The following LAMA2 variants were observed in gnomAD, a reference collection of about 807,000 sequenced individuals.
LAMA2 encodes laminin subunit alpha 2, also known as laminin subunit alpha-2.
LAMA2 carries 269 observed loss-of-function variants against 364.8 expected under a neutral mutation model. The ratio of observed to expected loss-of-function variants is 0.74; its 90% CI spans 0.67 to 0.82. The LOEUF (loss-of-function observed/expected upper bound fraction) is 0.82. LAMA2 is among the 40% of genes least tolerant of loss of function. LAMA2 has a pLI of 0.00. For synonymous variants in LAMA2, 1,379 were observed against 1,370.6 expected (o/e 1.01, Z -0.14); for missense variants, 3,807 against 3,873.2 (o/e 0.98, Z 0.45).
intron 12 of LAMA2, among the ~76,000 whole-genome samples, chr6:129,220,301 G>A (rs552259264): frequency 2.0e-5 from 3 of 152,154 alleles, no homozygotes; most frequent in Non-Finnish European, 2.9e-5. Flanking sequence ...GATAAGCAAT[G>A]AGCAAAAAAA....
intron 9 of LAMA2, 21 bp from the exon 10 acceptor site, chr6:129,177,685 A>G: frequency 6.2e-7 from 1 of 1,612,742 alleles, no homozygotes; most frequent in African/African-American, 1.3e-5. Flanking sequence ...AAATGTTGAT[A>G]TGTGGCTCAT....
At chr6:129,462,011 T>A (rs1353214521) in intron 49 of LAMA2, among the ~76,000 whole-genome samples, 1 of 151,802 alleles carries the variant, frequency 6.6e-6, no homozygotes, top group Non-Finnish European at 1.5e-5. Context: ...ACAGAGGAGG[T>A]GACATTTGAA....
At chr6:129,238,674 T>G (rs1172886663) in intron 12 of LAMA2, among the ~76,000 whole-genome samples, 2 of 152,088 alleles carry the variant, frequency 1.3e-5, no homozygotes, top group African/African-American at 4.8e-5. Context: ...GGATGCACTA[T>G]AGTATCACCA....
intron 29 of LAMA2, 31 bp downstream of exon 29, chr6:129,328,443 C>T: frequency 6.2e-7 from 1 of 1,613,968 alleles, no homozygotes; most frequent in Non-Finnish European, 8.5e-7. Flanking sequence ...TGAACAAGGT[C>T]CATGTGCTCA....
At chr6:129,088,700 C>T (rs1055682494) in intron 3 of LAMA2, among the ~76,000 whole-genome samples, 2 of 150,178 alleles carry the variant, frequency 1.3e-5, no homozygotes, top group Non-Finnish European at 3.0e-5. Context: ...GGAGGGGTTC[C>T]TCACTTCTCA....
intron 1 of LAMA2, among the ~76,000 whole-genome samples, chr6:128,998,559 A>G (rs1784157416): frequency 2.1e-5 from 2 of 96,834 alleles, no homozygotes; most frequent in South Asian, 6.5e-4. Flanking sequence ...CGCGAGCCGA[A>G]GCAGGGCGAG....
At position 129,043,732 on chromosome 6, in the gene LAMA2, A is replaced by G. The variant is rs368739510; in HGVS notation, c.113-6186A>G. On this transcript the variant is annotated intron_variant, in intron 1 of 64. Transcript: ENST00000421865. ...TGTCATGAATAATAGCACATTGTAG[A>G]AACTCTGGGTTTTGTTATGTTCCTC... is the stretch of plus-strand genomic sequence containing the variant. 2.6e-5 allele frequency among the ~76,000 whole-genome samples: 4 copies of G among 152,108 alleles called. No individual in the cohort carries two copies. The East Asian group carries it at 7.7e-4, about 29-fold the overall frequency.
chr6:129,224,910 A>G (rs1040574433), intron 12 of LAMA2, among the ~76,000 whole-genome samples: 5 of 152,178 alleles, frequency 3.3e-5, no homozygotes, highest in Non-Finnish European at 7.4e-5. Context: ...AAGGAATGGT[A>G]CCACCTCCTC....
chr6:128,897,852 A>G (rs2114405017), intron 1 of LAMA2, among the ~76,000 whole-genome samples: 1 of 152,320 alleles, frequency 6.6e-6, no homozygotes, highest in East Asian at 1.9e-4. Context: ...CAGGAGCTGT[A>G]GTACTAGAGC....
At chr6:129,038,629 AT>A (rs1742442770) in intron 1 of LAMA2, among the ~76,000 whole-genome samples, 1 of 152,110 alleles carries the variant, frequency 6.6e-6, no homozygotes, top group African/African-American at 2.4e-5. Flanking sequence ...TACTCCTATC[AT>A]TATCTGATTT....
In LAMA2 at chr6:129,424,662, A is replaced by G. The variant is rs957119765; in HGVS notation, c.5866-3090A>G. Among the ~76,000 whole-genome samples, 8 of 152,168 alleles carry G rather than the reference A, an allele frequency of 5.3e-5. No individual in the cohort carries two copies. In the South Asian group the frequency reaches 1.2e-3, roughly 24 times the overall value. On this transcript the variant is annotated intron_variant, in intron 40 of 64. Transcript: ENST00000421865. ...AAGGAAAACACAAAGCAAAACCAAA[A>G]TGATGACCAGTTAGAATGTCTAAAA...
intron 1 of LAMA2, among the ~76,000 whole-genome samples, chr6:128,953,292 C>G (rs1048730914): frequency 1.3e-5 from 2 of 152,128 alleles, no homozygotes; most frequent in Non-Finnish European, 2.9e-5. Context: ...GTGTGAAAAA[C>G]TATCTTCTTG....
intron 1 of LAMA2, among the ~76,000 whole-genome samples, chr6:128,955,277 T>G (rs191166753): frequency 1.3e-5 from 2 of 152,104 alleles, no homozygotes; most frequent in East Asian, 3.9e-4. Flanking sequence ...ATTAATTTTC[T>G]GAATTACACT....
At chr6:129,467,712 C>A (rs1348498770) in intron 51 of LAMA2, among the ~76,000 whole-genome samples, 1 of 151,880 alleles carries the variant, frequency 6.6e-6, no homozygotes, top group East Asian at 1.9e-4. Context: ...GCTATCTCAA[C>A]TTTTATTCTA....
chr6:129,255,277 G>C (rs1263796691), intron 14 of LAMA2, among the ~76,000 whole-genome samples: 2 of 151,602 alleles, frequency 1.3e-5, no homozygotes, highest in Admixed American at 6.6e-5. Flanking sequence ...ATGGTGGCAC[G>C]TGTCAGTAAT....
At chr6:129,237,175 G>T (rs1785051072) in intron 12 of LAMA2, among the ~76,000 whole-genome samples, 1 of 152,164 alleles carries the variant, frequency 6.6e-6, no homozygotes, top group South Asian at 2.1e-4. Context: ...CATATCCAAA[G>T]CCACATTGTA....
Position 129,066,038 on chromosome 6 carries a change from G to GTTTTT in LAMA2, c.396+6163_396+6167dup, listed in dbSNP as rs544271722. On this transcript the variant is annotated intron_variant, in intron 3 of 64. Transcript: ENST00000421865. ...TCTTTTGTAAATTGCCCAGTCTCAG[G>GTTTTT]TTTTTTTTTTTTTTTTTTTTTTTTT... 4.8e-3 allele frequency among the ~76,000 whole-genome samples: 177 copies of GTTTTT among 37,084 alleles called. 19 individuals carry two copies. The highest frequency in any genetic ancestry group is 0.012 in the African/African-American group (135 of 11,672). The allele number at this position is 37,084 out of a possible 152,430, so 24.3% of individuals were successfully genotyped here.
At chr6:129,471,328 G>T (rs1411574978) in intron 51 of LAMA2, among the ~76,000 whole-genome samples, 1 of 151,858 alleles carries the variant, frequency 6.6e-6, no homozygotes, top group Non-Finnish European at 1.5e-5. Flanking sequence ...GTAAAAATAT[G>T]CCATCCTGTC....
intron 45 of LAMA2, among the ~76,000 whole-genome samples, chr6:129,446,325 A>AT (rs1782372402): frequency 6.6e-6 from 1 of 151,254 alleles, no homozygotes; most frequent in Admixed American, 6.6e-5. Context: ...TTTTACATTT[A>AT]TTTTTTGTTT....
Sources: allele counts gnomAD v4.1 joint callset (sites outside exome capture counted in the v4.1 genomes callset), GRCh38; gene constraint gnomAD v4.1.1; transcripts MANE v1.5; gene names NCBI Gene and HGNC (gene_info 2026-07-23, HGNC 2026-07-21).